Variants in TNS1 observed in about 807,000 individuals in gnomAD.
TNS1 encodes tensin-1.
TNS1 carries 62 observed loss-of-function variants against 168.6 expected under a neutral mutation model. The observed-to-expected ratio is 0.37, with a 90% confidence interval of 0.30 to 0.45. The LOEUF (loss-of-function observed/expected upper bound fraction) is 0.45, where lower values mean the gene tolerates loss of function less well. Ranked by LOEUF, TNS1 falls within the 20% of genes least tolerant of loss-of-function variation. The pLI is 1.00. For synonymous variants in TNS1, 934 were observed against 933.2 expected (o/e 1.00, Z -0.02); for missense variants, 2,240 against 2,339.4 (o/e 0.96, Z 0.88).
chr2:217,867,036 T>C (rs1949343056), intron 18 of TNS1, among the ~76,000 whole-genome samples: 1 of 152,222 alleles, frequency 6.6e-6, no homozygotes, highest in East Asian at 1.9e-4. Flanking sequence ...TGTGTAAGCA[T>C]CAGTAAGTTA....
intron 8 of TNS1, among the ~76,000 whole-genome samples, chr2:217,896,791 A>G (rs2125730388): frequency 6.6e-6 from 1 of 152,342 alleles, no homozygotes; most frequent in Non-Finnish European, 1.5e-5. Flanking sequence ...ATTTACATAT[A>G]ACTTGCATAT....
chr2:217,813,095 A>G lies in TNS1; in HGVS notation c.4954+120T>C. ...TTCATTCATTTTCTCTGCTGAATTT[A>G]TGACAAGGGTGACTGGCAGAGCCTG... On this transcript the variant is annotated intron_variant, in intron 27 of 32. Coordinates refer to ENST00000682258, the MANE Select transcript of TNS1 (RefSeq NM_001387777.1). The surrounding 1 kb of genome is among the most constrained non-coding windows in gnomAD (Gnocchi z 4.0). The G allele has an allele frequency of 1.4e-6, 1 of 697,636 alleles. No homozygotes were observed. The allele number at this position is 697,636 out of a possible 1,614,324, so 43.2% of individuals were successfully genotyped here.
rs540672063 is a variant in TNS1 at position 217,942,343 on chromosome 2, T to C, written c.187-22107A>G. Among the ~76,000 whole-genome samples the C allele has an allele frequency of 5.9e-5, 9 of 152,188 alleles. No homozygotes were observed. In the South Asian group the frequency reaches 1.7e-3, roughly 28 times the overall value. Reference sequence around the variant, plus strand: ...CTGCTCTCCAAATCCCTGCCCTCCATGGGCAGCAGAGTCCAAGCCAACCCC... The same window carrying C: ...CTGCTCTCCAAATCCCTGCCCTCCACGGGCAGCAGAGTCCAAGCCAACCCC... On this transcript the variant is annotated intron_variant, in intron 3 of 32. Coordinates refer to ENST00000682258, the MANE Select transcript of TNS1 (RefSeq NM_001387777.1).
intron 19 of TNS1, among the ~76,000 whole-genome samples, chr2:217,846,552 G>C (rs183610107): frequency 7.0e-4 from 106 of 152,278 alleles, no homozygotes; most frequent in Admixed American, 1.2e-3. Flanking sequence ...CTGGCACAAG[G>C]TCCACCCAAA....
intron 18 of TNS1, among the ~76,000 whole-genome samples, chr2:217,876,650 A>T (rs750004640): frequency 6.6e-6 from 1 of 152,182 alleles, no homozygotes; most frequent in Non-Finnish European, 1.5e-5. Flanking sequence ...TCAGTATGCC[A>T]CTGTATTTGG....
intron 6 of TNS1, chr2:217,905,561 C>G (rs996010996): frequency 1.4e-5 from 4 of 286,156 alleles, no homozygotes; most frequent in African/African-American, 8.9e-5. Flanking sequence ...CCATCAACAT[C>G]TACCCCTGTG....
At chr2:217,892,041 G>C (rs557199921) in intron 11 of TNS1, among the ~76,000 whole-genome samples, 3 of 152,320 alleles carry the variant, frequency 2.0e-5, no homozygotes, top group African/African-American at 7.2e-5. Flanking sequence ...GCCTGGCTTT[G>C]CCCTCTGCTG....
At chr2:217,833,342 C>T (rs1301672484) in intron 21 of TNS1, among the ~76,000 whole-genome samples, 2 of 152,214 alleles carry the variant, frequency 1.3e-5, no homozygotes, top group African/African-American at 4.8e-5. Flanking sequence ...GATGAGTGGG[C>T]GACGCTAAAG....
In TNS1 at chr2:217,847,809, G is replaced by T. The variant is rs774119211; in HGVS notation, c.2708C>A (p.Pro903Gln). 6 of 1,599,782 alleles carry T rather than the reference G, an allele frequency of 3.8e-6. No individual in the cohort carries two copies. Among genetic ancestry groups the T allele is most frequent in the Non-Finnish European group, 5.1e-6 (6 of 1,168,336 alleles). The part of the protein sequence containing the change: ...PSGHSLGTPE[P>Q]APRASLESVP... ...AGACTCCAGAGAGGCCCGTGGGGCT[G>T]GCTCAGGGGTTCCCAACGAATGCCC... is the stretch of plus-strand genomic sequence containing the variant. The change falls in exon 19 of 33, where the codon CCA becomes CAA. Residue 903 changes from proline (P) to glutamine (Q), a missense_variant. Pro to Gln is a moderately conservative substitution (Grantham distance 76). Around this residue, in one of 2 missense-constraint regions of TNS1, gnomAD observed 2,131 missense variants for 2,171.2 expected, o/e 0.98. Coordinates refer to ENST00000682258, the MANE Select transcript of TNS1 (RefSeq NM_001387777.1).
intron 2 of TNS1, among the ~76,000 whole-genome samples, chr2:217,988,476 G>A (rs568685522): frequency 3.1e-4 from 47 of 152,250 alleles, no homozygotes; most frequent in African/African-American, 1.0e-3. Flanking sequence ...AGACTGCCTC[G>A]TATCACCATA....
rs181995314 is a variant in TNS1 at position 218,023,006 on chromosome 2, C to T, written c.156+10814G>A. On this transcript the variant is annotated intron_variant, in intron 1 of 1. Coordinates refer to the TNS1 transcript ENST00000649572. ...AAAGAAGGTGACTGCCACAGACACT[C>T]CCCTCACGTGGCCTCACGTCTGGCT... Among the ~76,000 whole-genome samples, 18 of 152,344 alleles carry T rather than the reference C, an allele frequency of 1.2e-4. No individual in the cohort carries two copies. In the East Asian group the frequency reaches 3.1e-3, roughly 26 times the overall value.
chr2:218,010,020 G>T (rs1261262776), intron 1 of TNS1: 8 of 369,652 alleles, frequency 2.2e-5, no homozygotes, highest in African/African-American at 1.8e-4. Flanking sequence ...GAATGCCCAG[G>T]AGACTGCGGG....
intron 3 of TNS1, among the ~76,000 whole-genome samples, chr2:217,927,923 G>T (rs761972719): frequency 6.6e-6 from 1 of 152,186 alleles, no homozygotes; most frequent in African/African-American, 2.4e-5. Flanking sequence ...ATCCCAGAAG[G>T]CCCCAGTCTC....
At chr2:217,811,041 G>A (rs1208525533) in intron 28 of TNS1, among the ~76,000 whole-genome samples, 1 of 152,074 alleles carries the variant, frequency 6.6e-6, no homozygotes, top group Admixed American at 6.5e-5. Context: ...ACCATGCCTG[G>A]ATAATTTTTT....
At chr2:217,897,689 A>T in intron 8 of TNS1, 109 bp downstream of exon 8, 2 of 1,206,106 alleles carry the variant, frequency 1.7e-6, no homozygotes, top group Non-Finnish European at 1.1e-6. Context: ...CAAAGAGAAG[A>T]GGGCATGCTG....
intron 3 of TNS1, chr2:217,937,198 C>T (rs1956658004): frequency 2.8e-6 from 1 of 354,224 alleles, no homozygotes; most frequent in Non-Finnish European, 5.6e-6. Context: ...TCCCCTACTC[C>T]CCCCACTAGA....
At chr2:217,856,857 C>G (rs907652204) in intron 18 of TNS1, among the ~76,000 whole-genome samples, 1 of 152,104 alleles carries the variant, frequency 6.6e-6, no homozygotes, top group Admixed American at 6.5e-5. Context: ...CAGGAGAGAA[C>G]AAGATTTTTC....
At chr2:218,026,037 C>G (rs6741407) in intron 1 of TNS1, among the ~76,000 whole-genome samples, 13,784 of 152,206 alleles carry the variant, frequency 0.091, 1,910 homozygotes, top group African/African-American at 0.3. Context: ...CAGGCATTTC[C>G]CCTAGTAAAA....
At chr2:217,923,244 C>A (rs1267967111) in intron 3 of TNS1, among the ~76,000 whole-genome samples, 1 of 152,208 alleles carries the variant, frequency 6.6e-6, no homozygotes, top group Non-Finnish European at 1.5e-5. Context: ...AGAAAGTCAG[C>A]CTCAGGTAAG....
Sources: allele counts gnomAD v4.1 joint callset (sites outside exome capture counted in the v4.1 genomes callset), GRCh38; gene constraint gnomAD v4.1.1; regional missense constraint gnomAD v4.1.1; non-coding constraint Gnocchi (gnomAD v3.1); transcripts MANE v1.5; gene names NCBI Gene and HGNC (gene_info 2026-07-23, HGNC 2026-07-21).